PPP4R2: variants seen among roughly 807,000 people sequenced by gnomAD.
PPP4R2 encodes the protein protein phosphatase 4 regulatory subunit 2, also known as serine/threonine-protein phosphatase 4 regulatory subunit 2.
A neutral mutation model predicts 47.2 loss-of-function variants in PPP4R2; 13 were observed. The observed-to-expected ratio is 0.28, with a 90% CI of 0.18 to 0.44. The LOEUF (loss-of-function observed/expected upper bound fraction) is 0.44, where lower values mean the gene tolerates loss of function less well. Among genes scored for constraint, PPP4R2 ranks in the 20% least tolerant of loss-of-function variants. The probability of loss-of-function intolerance (pLI) is 1.00; values close to 1 mark genes in which losing one functional copy is unlikely to be tolerated. For synonymous variants in PPP4R2, 151 were observed against 163.3 expected (o/e 0.92, Z 0.57); for missense variants, 421 against 491.2 (o/e 0.86, Z 1.35).
At chr3:73,054,405 G>A (rs1702686570) in intron 3 of PPP4R2, among the ~76,000 whole-genome samples, 1 of 152,236 alleles carries the variant, frequency 6.6e-6, no homozygotes, top group East Asian at 1.9e-4. Context: ...GATTCTAATG[G>A]TATTTCTGAC....
At chr3:73,029,265 A>G (rs925466862) in intron 2 of PPP4R2, among the ~76,000 whole-genome samples, 3 of 152,208 alleles carry the variant, frequency 2.0e-5, no homozygotes, top group East Asian at 1.9e-4. Flanking sequence ...TTGAGCAGAG[A>G]AGTGACACTA....
At chr3:73,007,071 CTTT>C (rs1482276995) in intron 2 of PPP4R2, among the ~76,000 whole-genome samples, 1 of 152,166 alleles carries the variant, frequency 6.6e-6, no homozygotes, top group African/African-American at 2.4e-5. Flanking sequence ...ACCACTGCCA[CTTT>C]CTTAGAATTC....
intron 2 of PPP4R2, among the ~76,000 whole-genome samples, chr3:73,013,416 G>A (rs1005270963): frequency 5.3e-5 from 8 of 152,058 alleles, no homozygotes; most frequent in African/African-American, 1.7e-4. Context: ...TATAAATGTG[G>A]AAAACTCATG....
rs542785194 is a variant in PPP4R2, at chr3:73,062,098, A to G, written c.419+1038A>G. On this transcript the variant is annotated intron_variant, in intron 5 of 8. Transcript: ENST00000356692. ...CGACTAATAATGGGTTATTTTCTTAAATTGTATGCTTATGTTAATTCTCAC... is the reference window on the plus strand; with the variant it reads ...CGACTAATAATGGGTTATTTTCTTAGATTGTATGCTTATGTTAATTCTCAC... 315 of 1,540,674 alleles carry G rather than the reference A, an allele frequency of 2.0e-4. No homozygotes were observed. Among genetic ancestry groups the G allele is most frequent in the Non-Finnish European group, 2.5e-4 (283 of 1,144,792 alleles).
intron 2 of PPP4R2, among the ~76,000 whole-genome samples, chr3:73,043,310 A>AAAG (rs1218897847): frequency 1.4e-5 from 2 of 147,428 alleles, no homozygotes; most frequent in African/African-American, 5.0e-5. Context: ...GAAATTAAAA[A>AAAG]TTAAAAATTC....
chr3:73,045,081 C>G (rs779502877), intron 2 of PPP4R2, among the ~76,000 whole-genome samples: 14 of 152,204 alleles, frequency 9.2e-5, no homozygotes, highest in Admixed American at 3.3e-4. Context: ...GCAGCCTCTA[C>G]CTCCTGGGCT....
chr3:73,030,333 CAGT>C (rs999951034), intron 2 of PPP4R2, among the ~76,000 whole-genome samples: 17 of 152,246 alleles, frequency 1.1e-4, no homozygotes, highest in African/African-American at 2.9e-4. Flanking sequence ...ATGTACATGA[CAGT>C]AGGTAACTGG....
At chr3:73,005,911 A>C (rs992269820) in intron 2 of PPP4R2, among the ~76,000 whole-genome samples, 2 of 151,692 alleles carry the variant, frequency 1.3e-5, no homozygotes, top group Admixed American at 1.3e-4. Flanking sequence ...ACAGGTTGCT[A>C]AGTTTTCATA....
At chr3:73,028,455 T>C (rs1050891365) in intron 2 of PPP4R2, among the ~76,000 whole-genome samples, 1 of 151,952 alleles carries the variant, frequency 6.6e-6, no homozygotes, top group Admixed American at 6.6e-5. Flanking sequence ...TAAATCCAGG[T>C]AGAAGACTTT....
intron 2 of PPP4R2, among the ~76,000 whole-genome samples, chr3:73,006,517 C>T (rs761142934): frequency 6.6e-6 from 1 of 152,170 alleles, no homozygotes. Flanking sequence ...CTACATGGAG[C>T]ACTCTCGTTG....
chr3:73,012,581 G>T (rs1218275397), intron 2 of PPP4R2, among the ~76,000 whole-genome samples: 2 of 152,214 alleles, frequency 1.3e-5, no homozygotes, highest in Non-Finnish European at 2.9e-5. Context: ...GGCTACAGGC[G>T]TGAGCCACTG....
chr3:73,028,883 A>G (rs1261392050), intron 2 of PPP4R2, among the ~76,000 whole-genome samples: 2 of 152,186 alleles, frequency 1.3e-5, no homozygotes, highest in African/African-American at 4.8e-5. Context: ...GGGAAATATA[A>G]TGTAGGGCAA....
chr3:72,999,041 A>G (rs573716111), intron 2 of PPP4R2, among the ~76,000 whole-genome samples: 6 of 152,238 alleles, frequency 3.9e-5, no homozygotes, highest in Non-Finnish European at 7.4e-5. Context: ...TTCTCACAAG[A>G]TTTGCTTATT....
intron 2 of PPP4R2, among the ~76,000 whole-genome samples, chr3:73,007,480 T>C (rs1701635735): frequency 9.7e-6 from 1 of 102,724 alleles, no homozygotes; most frequent in African/African-American, 4.4e-5. Context: ...GTTTTTTGTT[T>C]TTTGTTTTTT....
At chr3:73,017,669 GA>G (rs1701869666) in intron 2 of PPP4R2, among the ~76,000 whole-genome samples, 1 of 152,070 alleles carries the variant, frequency 6.6e-6, no homozygotes, top group Non-Finnish European at 1.5e-5. Flanking sequence ...GGAAACTCTT[GA>G]CAAAGTTGGA....
At chr3:73,009,585 A>G (rs142659963) in intron 2 of PPP4R2, among the ~76,000 whole-genome samples, 4 of 152,348 alleles carry the variant, frequency 2.6e-5, no homozygotes, top group African/African-American at 9.6e-5. Context: ...CAAAAACTTC[A>G]TGTTGCTTCA....
intron 2 of PPP4R2, among the ~76,000 whole-genome samples, chr3:72,999,252 G>T (rs1313001142): frequency 6.6e-6 from 1 of 152,110 alleles, no homozygotes; most frequent in African/African-American, 2.4e-5. Context: ...GACCCTCTGG[G>T]CGGGGGAAGT....
chr3:73,028,005 C>T (rs1373231172), intron 2 of PPP4R2: 1 of 147,348 alleles, frequency 6.8e-6, no homozygotes, highest in Non-Finnish European at 1.5e-5. Context: ...GCCTCTAATT[C>T]CAGCACTTTA....
chr3:73,018,631 T>G (rs1052770594), intron 2 of PPP4R2, among the ~76,000 whole-genome samples: 4 of 152,054 alleles, frequency 2.6e-5, no homozygotes, highest in African/African-American at 9.7e-5. Context: ...CTTCTTACCT[T>G]TCCAGTCTTC....
Sources: gnomAD v4.1 joint callset for allele counts (sites outside exome capture counted in the v4.1 genomes callset) on GRCh38, gnomAD v4.1.1 for gene constraint, MANE v1.5 for transcripts, NCBI Gene and HGNC (gene_info 2026-07-23, HGNC 2026-07-21) for gene names.